Variants in RNF121 observed in about 807,000 individuals in gnomAD.
RNF121 encodes the protein ring finger protein 121.
RNF121 carries 21 observed loss-of-function variants against 46.5 expected under a neutral mutation model. That is an observed-to-expected ratio of 0.45 (90% CI 0.32 to 0.65). RNF121 has a LOEUF of 0.65. Ranked by LOEUF, RNF121 falls within the 30% of genes least tolerant of loss-of-function variation. The pLI, the probability that RNF121 is intolerant of heterozygous loss-of-function variation, is 0.04. For synonymous variants in RNF121, 139 were observed against 144.7 expected (o/e 0.96, Z 0.28); for missense variants, 346 against 416.0 (o/e 0.83, Z 1.46).
intron 4 of RNF121, among the ~76,000 whole-genome samples, chr11:71,984,599 T>C (rs1363705107): frequency 6.8e-6 from 1 of 146,000 alleles, no homozygotes; most frequent in African/African-American, 2.6e-5. Context: ...TAGCTATTTA[T>C]TTATTTATTT....
chr11:71,974,037 G>A (rs2134194532), intron 3 of RNF121, among the ~76,000 whole-genome samples: 1 of 152,160 alleles, frequency 6.6e-6, no homozygotes, highest in South Asian at 2.1e-4. Context: ...CGCCTCCCGG[G>A]TTCACGCCAT....
At chr11:71,994,580 A>G in intron 6 of RNF121, 139 bp from the exon 7 acceptor site, 1 of 957,522 alleles carries the variant, frequency 1.0e-6, no homozygotes, top group African/African-American at 1.7e-5. Context: ...AGTTTAAAAA[A>G]AAAAAGATGT....
At chr11:71,933,184 G>T (rs996293209) in intron 1 of RNF121, among the ~76,000 whole-genome samples, 2 of 152,196 alleles carry the variant, frequency 1.3e-5, no homozygotes, top group African/African-American at 2.4e-5. Flanking sequence ...CAGAAAGCTA[G>T]CTTGGGAATT....
chr11:71,932,964 AGCTCAGGTATTAAACT>A (rs1163694469), intron 1 of RNF121, among the ~76,000 whole-genome samples: 1 of 152,204 alleles, frequency 6.6e-6, no homozygotes, highest in African/African-American at 2.4e-5. Flanking sequence ...TAGCCAGCTC[AGCTCAGGTATTAAACT>A]GGCCATGATG....
chr11:71,986,098 C>T (rs1263587938), intron 4 of RNF121, among the ~76,000 whole-genome samples: 1 of 152,178 alleles, frequency 6.6e-6, no homozygotes, highest in East Asian at 1.9e-4. Context: ...TCACCACCAC[C>T]ACACACTTTC....
At chr11:71,973,676 A>G (rs1425148958) in intron 3 of RNF121, among the ~76,000 whole-genome samples, 4 of 151,928 alleles carry the variant, frequency 2.6e-5, no homozygotes, top group Non-Finnish European at 4.4e-5. Flanking sequence ...AATCCCAGCT[A>G]CTGTGGAGGC....
chr11:71,968,888 C>CTTTTTTTTTTTTTTTT (rs10686485), intron 3 of RNF121, among the ~76,000 whole-genome samples: 1 of 134,644 alleles, frequency 7.4e-6, no homozygotes. Flanking sequence ...TTCTTTCTTT[C>CTTTTTTTTTTTTTTTT]TTTTTTTTTT....
chr11:71,959,637 CTTT>C (rs893968966), intron 2 of RNF121, among the ~76,000 whole-genome samples: 4 of 138,236 alleles, frequency 2.9e-5, no homozygotes, highest in Non-Finnish European at 6.2e-5. Context: ...CTCTCTTCTT[CTTT>C]TTTTTTTTTT....
chr11:71,934,417 G>A (rs980384375), intron 1 of RNF121, among the ~76,000 whole-genome samples: 3 of 152,196 alleles, frequency 2.0e-5, no homozygotes, highest in Admixed American at 6.5e-5. Flanking sequence ...TCAGTGTTAC[G>A]TCTCCTCTTC....
chr11:71,938,181 C>T (rs929304199), intron 1 of RNF121, among the ~76,000 whole-genome samples: 1 of 152,186 alleles, frequency 6.6e-6, no homozygotes, highest in Non-Finnish European at 1.5e-5. Flanking sequence ...TTGAGCCTAA[C>T]TACCTCTGAG....
chr11:71,990,430 G>A (rs778214871), intron 5 of RNF121, among the ~76,000 whole-genome samples, 167 bp from the exon 6 acceptor site: 7 of 152,150 alleles, frequency 4.6e-5, no homozygotes, highest in Non-Finnish European at 7.3e-5. Flanking sequence ...GGTGTTCATG[G>A]GCCATATAAA....
intron 1 of RNF121, among the ~76,000 whole-genome samples, chr11:71,948,229 T>C (rs972559054): frequency 7.3e-5 from 11 of 151,640 alleles, no homozygotes; most frequent in African/African-American, 1.2e-4. Flanking sequence ...TTTAAAAAGG[T>C]TTTTGGCCAG....
chr11:71,953,469 T>C (rs1412349289), intron 1 of RNF121, among the ~76,000 whole-genome samples: 1 of 152,260 alleles, frequency 6.6e-6, no homozygotes, highest in Non-Finnish European at 1.5e-5. Flanking sequence ...TGGGATGTAG[T>C]AGCAGTGCTT....
intron 3 of RNF121, among the ~76,000 whole-genome samples, chr11:71,976,218 T>TA (rs752371008): frequency 7.2e-5 from 11 of 152,066 alleles, no homozygotes; most frequent in Non-Finnish European, 1.6e-4. Flanking sequence ...CCTGCTGTCT[T>TA]ATGGCCATGC....
At position 71,990,484 on chromosome 11, in the gene RNF121, C is replaced by G. The variant is rs531322432; in HGVS notation, c.507-113C>G. 2.2e-6 allele frequency: 3 copies of G among 1,366,948 alleles called. No homozygotes were observed. The South Asian group carries it at 4.1e-5, about 19-fold the overall frequency. 84.7% of individuals were successfully genotyped at this position (1,366,948 alleles called of 1,614,324 possible). The stretch of plus-strand genomic sequence containing the variant: ...TTTGGTCATAGTTTGCCCGCACTTG[C>G]TCTAGCCTTTGGGCCTTCTCGCTTT... On this transcript the variant is annotated intron_variant, in intron 5 of 8. Coordinates refer to ENST00000361756, the MANE Select transcript of RNF121 (RefSeq NM_018320.5).
intron 3 of RNF121, 76 bp downstream of exon 3, chr11:71,960,967 T>C (rs1435578075): frequency 2.0e-6 from 3 of 1,519,650 alleles, no homozygotes; most frequent in Admixed American, 1.9e-5. Context: ...GGTCCCAGCC[T>C]AACCCAGGCC....
chr11:71,949,225 CAGG>C (rs1241006354), intron 1 of RNF121, among the ~76,000 whole-genome samples: 1 of 152,020 alleles, frequency 6.6e-6, no homozygotes, highest in East Asian at 1.9e-4. Flanking sequence ...CAAGAGCAGC[CAGG>C]ACAACATGTG....
chr11:71,961,241 G>A (rs951838449), intron 3 of RNF121, among the ~76,000 whole-genome samples: 1 of 152,168 alleles, frequency 6.6e-6, no homozygotes, highest in Non-Finnish European at 1.5e-5. Flanking sequence ...GAATCTTACA[G>A]GATCTAGATT....
intron 2 of RNF121, among the ~76,000 whole-genome samples, chr11:71,958,395 A>G (rs1244462785): frequency 1.3e-5 from 2 of 152,202 alleles, no homozygotes; most frequent in Non-Finnish European, 2.9e-5. Context: ...AGAAGAGTCA[A>G]TATGTCCTTT....
Sources: gnomAD v4.1 joint callset for allele counts (sites outside exome capture counted in the v4.1 genomes callset) on GRCh38, gnomAD v4.1.1 for gene constraint, MANE v1.5 for transcripts, NCBI Gene and HGNC (gene_info 2026-07-23, HGNC 2026-07-21) for gene names.